Variants in RNF144B observed in about 807,000 individuals in gnomAD.
RNF144B encodes the protein E3 ubiquitin-protein ligase RNF144B.
RNF144B carries 25 observed loss-of-function variants against 40.2 expected under a neutral mutation model. The ratio of observed to expected loss-of-function variants is 0.62; its 90% CI spans 0.45 to 0.87. The LOEUF is 0.87. Among genes scored for constraint, RNF144B ranks in the 40% least tolerant of loss-of-function variants. The pLI, the probability that RNF144B is intolerant of heterozygous loss-of-function variation, is 0.00. For missense variants in RNF144B, 365 were observed against 373.7 expected (o/e 0.98, Z 0.19); for synonymous variants, 145 against 136.3 (o/e 1.06, Z -0.44).
At chr6:18,455,097 G>A (rs1047476975) in intron 4 of RNF144B, among the ~76,000 whole-genome samples, 5 of 152,154 alleles carry the variant, frequency 3.3e-5, no homozygotes, top group Admixed American at 2.0e-4. Flanking sequence ...TAATAGATTG[G>A]AAGAAAATAT....
Position 18,457,094 on chromosome 6 carries a change from G to A in RNF144B, c.332-61G>A, listed in dbSNP as rs1271149662. 12 of 1,247,570 alleles carry A rather than the reference G, an allele frequency of 9.6e-6. No individual in the cohort carries two copies. The African/African-American group carries it at 1.6e-4, about 17-fold the overall frequency. The allele number at this position is 1,247,570 out of a possible 1,614,324, so 77.3% of individuals were successfully genotyped here. A position where few individuals can be genotyped will look rare whatever the true frequency, so the allele number is the denominator to read the frequency against. Reference sequence around the variant, plus strand: ...TTAAATAAATAAGAGGGCAAATGAAGGTGAGAAAGACTCAAACATGAATCG... The same window carrying A: ...TTAAATAAATAAGAGGGCAAATGAAAGTGAGAAAGACTCAAACATGAATCG... On this transcript the variant is annotated intron_variant, in intron 4 of 7. Coordinates refer to ENST00000259939, the MANE Select transcript of RNF144B (RefSeq NM_182757.4). This position sits in a 1 kb window ranked among gnomAD's most constrained non-coding sequence, Gnocchi z 5.1.
At chr6:18,432,645 A>T (rs1024549342) in intron 3 of RNF144B, among the ~76,000 whole-genome samples, 1 of 152,234 alleles carries the variant, frequency 6.6e-6, no homozygotes. Flanking sequence ...AGTAGCATCC[A>T]TCACTTCCTG....
At position 18,391,812 on chromosome 6, in the gene RNF144B, G is replaced by A. The variant is rs1432365565; in HGVS notation, c.-37+4182G>A. ...GAACCCAGGAGGCGGAGCTTGCAGT[G>A]AGCCGAGATCGGGCCACTGCACTCC... On this transcript the variant is annotated intron_variant, in intron 1 of 7. Coordinates refer to ENST00000259939, the MANE Select transcript of RNF144B (RefSeq NM_182757.4). 1.0e-4 allele frequency among the ~76,000 whole-genome samples: 15 copies of A among 145,258 alleles called. No individual in the cohort carries two copies. In the East Asian group the frequency reaches 1.1e-3, roughly 10 times the overall value.
rs1758673471 is a variant in RNF144B, at chr6:18,430,682, GTC to G, written c.270+3003_270+3004del. On this transcript the variant is annotated intron_variant, in intron 3 of 7. Transcript: ENST00000259939. The stretch of plus-strand genomic sequence containing the variant: ...ATTTTTTTTTTTTTTTAAAGAGAGG[GTC>G]TCTCTATGTTTTCCAGCCTGGGCTC... 2.0e-5 allele frequency among the ~76,000 whole-genome samples: 3 copies of G among 151,002 alleles called. No individual in the cohort carries two copies. The South Asian group carries it at 6.3e-4, about 32-fold the overall frequency.
rs1759621660 is a variant in RNF144B at position 18,468,575 on chromosome 6, T to C, written c.*3508T>C. On this transcript the variant is annotated 3_prime_UTR_variant, in exon 8 of 8. Coordinates refer to ENST00000259939, the MANE Select transcript of RNF144B (RefSeq NM_182757.4). ...GAATTAAATGTATATTTCTTTAGCCTTCCCTACACAGTACTAATAAAAGAC... is the reference window on the plus strand; with the variant it reads ...GAATTAAATGTATATTTCTTTAGCCCTCCCTACACAGTACTAATAAAAGAC... 6.6e-6 allele frequency: 1 copy of C among 152,248 alleles called. No individual in the cohort carries two copies. 9.4% of individuals were successfully genotyped at this position (152,248 alleles called of 1,614,324 possible).
chr6:18,439,491 T>C (rs923061882), intron 3 of RNF144B, among the ~76,000 whole-genome samples, 193 bp from the exon 4 acceptor site: 20 of 152,180 alleles, frequency 1.3e-4, no homozygotes, highest in Non-Finnish European at 2.5e-4. Flanking sequence ...TTCTCAGCTA[T>C]GGTGGTGGAG....
intron 3 of RNF144B, among the ~76,000 whole-genome samples, chr6:18,438,108 A>G (rs948565823): frequency 2.0e-5 from 3 of 152,198 alleles, no homozygotes; most frequent in African/African-American, 7.2e-5. Flanking sequence ...CTGACGTAGC[A>G]TTTGTTTGTC....
Position 18,458,014 on chromosome 6 carries a change from T to A in RNF144B, c.536+655T>A, listed in dbSNP as rs149053874. On this transcript the variant is annotated intron_variant, in intron 5 of 7. Transcript: ENST00000259939. This position sits in a 1 kb window ranked among gnomAD's most constrained non-coding sequence, Gnocchi z 4.8. ...GTTCAGTGGCACGATCTCGGCTCACTGCAACCACTGCCTCCTGGGTTCAAG... is the reference window on the plus strand; with the variant it reads ...GTTCAGTGGCACGATCTCGGCTCACAGCAACCACTGCCTCCTGGGTTCAAG... 2.6e-3 allele frequency among the ~76,000 whole-genome samples: 394 copies of A among 152,084 alleles called. 2 individuals carry two copies. The highest frequency in any genetic ancestry group is 9.0e-3 in the African/African-American group (372 of 41,488).
At position 18,459,576 on chromosome 6, in the gene RNF144B, G is replaced by A. The variant is rs1759406808; in HGVS notation, c.537-31G>A. The A allele has an allele frequency of 6.2e-7, 1 of 1,607,384 alleles. No individual in the cohort carries two copies. Among genetic ancestry groups the A allele is most frequent in the African/African-American group, 1.3e-5 (1 of 74,772 alleles). On this transcript the variant is annotated intron_variant, in intron 5 of 7. Coordinates refer to ENST00000259939, the MANE Select transcript of RNF144B (RefSeq NM_182757.4). The surrounding 1 kb of genome is among the most constrained non-coding windows in gnomAD (Gnocchi z 4.2). ...GGAATTCAACTGATGACCATCAGCT[G>A]AATGCCATTTCTCATCCATTTTGTT... is the stretch of plus-strand genomic sequence containing the variant.
rs376077082 is a variant in RNF144B at position 18,459,817 on chromosome 6, T to C, written c.681+66T>C. 27 of 1,428,262 alleles carry C rather than the reference T, an allele frequency of 1.9e-5. No homozygotes were observed. The highest frequency in any genetic ancestry group is 2.5e-5 in the Non-Finnish European group (26 of 1,057,572). 88.5% of individuals were successfully genotyped at this position (1,428,262 alleles called of 1,614,324 possible). A position where few individuals can be genotyped will look rare whatever the true frequency, so the allele number is the denominator to read the frequency against. ...TGTATCTGCACCACAGCTGATATCC[T>C]ACAGATTTTCCTTTAAAATATTGGG... On this transcript the variant is annotated intron_variant, in intron 6 of 7. Coordinates refer to ENST00000259939, the MANE Select transcript of RNF144B (RefSeq NM_182757.4). The surrounding 1 kb of genome is among the most constrained non-coding windows in gnomAD (Gnocchi z 4.2).
chr6:18,452,393 A>G (rs983654815), intron 4 of RNF144B, among the ~76,000 whole-genome samples: 1 of 152,194 alleles, frequency 6.6e-6, no homozygotes, highest in Non-Finnish European at 1.5e-5. Context: ...TTCACTTAAG[A>G]ATGGATAGGT....
chr6:18,449,034 GAAGA>G (rs1453861721), intron 4 of RNF144B, among the ~76,000 whole-genome samples: 3 of 152,124 alleles, frequency 2.0e-5, no homozygotes, highest in Admixed American at 2.0e-4. Flanking sequence ...ATTTTATAGG[GAAGA>G]AAGAAGTCTT....
Position 18,467,210 on chromosome 6 carries a change from CTT to C in RNF144B, c.*2145_*2146del, listed in dbSNP as rs1375073669. ...TGGCAAAGTCCTCTGTCAGTAAACT[CTT>C]TAAGCTTGGTGCTGCAAAGAGTCTT... is the stretch of plus-strand genomic sequence containing the variant. On this transcript the variant is annotated 3_prime_UTR_variant, in exon 8 of 8. Coordinates refer to ENST00000259939, the MANE Select transcript of RNF144B (RefSeq NM_182757.4). 6.6e-6 allele frequency: 1 copy of C among 152,548 alleles called. No individual in the cohort carries two copies. The highest frequency in any genetic ancestry group is 1.9e-4 in the East Asian group (1 of 5,188). The allele number at this position is 152,548 out of a possible 1,614,324, so 9.4% of individuals were successfully genotyped here. A position where few individuals can be genotyped will look rare whatever the true frequency, so the allele number is the denominator to read the frequency against.
In RNF144B at chr6:18,440,525, A is replaced by G. The variant is rs547002206; in HGVS notation, c.331+781A>G. ...TCTGATTGCTAACTTTTAAATATGTATTCATAAAGTCTAGAGGTGAGGGTG... is the reference window on the plus strand; with the variant it reads ...TCTGATTGCTAACTTTTAAATATGTGTTCATAAAGTCTAGAGGTGAGGGTG... On this transcript the variant is annotated intron_variant, in intron 4 of 7. Transcript: ENST00000259939. 9.2e-5 allele frequency among the ~76,000 whole-genome samples: 14 copies of G among 152,200 alleles called. No homozygotes were observed. In the South Asian group the frequency reaches 2.9e-3, roughly 32 times the overall value.
rs1413345400 is a variant in RNF144B at position 18,414,020 on chromosome 6, A to C, written c.166-13561A>C. ...CTTGACTTCTAAAAACTTGCTTTTT[A>C]GAAAATGTTAAAAAAAATTCCAGGT... On this transcript the variant is annotated intron_variant, in intron 2 of 7. Coordinates refer to ENST00000259939, the MANE Select transcript of RNF144B (RefSeq NM_182757.4). This position sits in a 1 kb window ranked among gnomAD's most constrained non-coding sequence, Gnocchi z 4.9. Among the ~76,000 whole-genome samples, 1 of 152,196 alleles carries C rather than the reference A, an allele frequency of 6.6e-6. No homozygotes were observed. Among genetic ancestry groups the C allele is most frequent in the African/African-American group, 2.4e-5 (1 of 41,450 alleles).
chr6:18,428,026 C>T (rs563627273), intron 3 of RNF144B, among the ~76,000 whole-genome samples: 34 of 152,230 alleles, frequency 2.2e-4, no homozygotes, highest in African/African-American at 7.5e-4. Flanking sequence ...ATAATCCCCA[C>T]GTGTCAAGGG....
rs553814495 is a variant in RNF144B at position 18,437,622 on chromosome 6, A to G, written c.271-2062A>G. On this transcript the variant is annotated intron_variant, in intron 3 of 7. Transcript: ENST00000259939. ...TTACCTTAGTAAGTCTTCGTTCCAT[A>G]CAAACCTTTGACTTAAATGAGAAAT... Among the ~76,000 whole-genome samples the G allele has an allele frequency of 2.0e-5, 3 of 152,334 alleles. No homozygotes were observed. In the South Asian group the frequency reaches 6.2e-4, roughly 32 times the overall value.
intron 1 of RNF144B, among the ~76,000 whole-genome samples, chr6:18,392,573 G>A (rs7757283): frequency 6.6e-6 from 1 of 151,736 alleles, no homozygotes; most frequent in Non-Finnish European, 1.5e-5. Flanking sequence ...TGCCATCCTA[G>A]AAACTGTTGA....
At chr6:18,423,580 A>T (rs916844165) in intron 2 of RNF144B, among the ~76,000 whole-genome samples, 3 of 152,176 alleles carry the variant, frequency 2.0e-5, no homozygotes, top group Non-Finnish European at 4.4e-5. Context: ...GTACATCGGA[A>T]TCTGATACCC....
Sources: allele counts gnomAD v4.1 joint callset (sites outside exome capture counted in the v4.1 genomes callset), GRCh38; gene constraint gnomAD v4.1.1; non-coding constraint Gnocchi (gnomAD v3.1); transcripts MANE v1.5; gene names NCBI Gene and HGNC (gene_info 2026-07-23, HGNC 2026-07-21).